PRR14L: variants seen among roughly 807,000 people sequenced by gnomAD.
PRR14L encodes the protein proline rich 14 like.
Under a neutral mutation model 155.0 loss-of-function variants are expected in PRR14L, and 80 were observed. The observed-to-expected ratio is 0.52, with a 90% confidence interval of 0.43 to 0.62. The LOEUF is 0.62. PRR14L is among the 20% of genes least tolerant of loss of function. PRR14L has a pLI of 0.00. For missense variants in PRR14L, 2,469 were observed against 2,548.0 expected (o/e 0.97, Z 0.67); for synonymous variants, 883 against 916.0 (o/e 0.96, Z 0.65).
rs1272185544 is a variant in PRR14L at position 31,701,724 on chromosome 22, A to T, written c.6039T>A (p.Ile2013=). Residue 2013 remains isoleucine (I), a synonymous_variant, in exon 7 of 9, where the codon ATT becomes ATA. Transcript: ENST00000327423. The part of the protein sequence containing the change: ...PEKRPKKVSQ[I]RIRKTIPRPD... ...GCCTAGGAATGGTTTTCCGGATGCG[A>T]ATCTGTGAGACTTTCTTTGGCCTCT... The T allele has an allele frequency of 6.2e-7, 1 of 1,613,980 alleles. No homozygotes were observed. The highest frequency in any genetic ancestry group is 8.5e-7 in the Non-Finnish European group (1 of 1,179,968).
At chr22:31,731,260 T>A (rs1421732301) in intron 2 of PRR14L, among the ~76,000 whole-genome samples, 1 of 152,052 alleles carries the variant, frequency 6.6e-6, no homozygotes, top group Non-Finnish European at 1.5e-5. Flanking sequence ...TTTCTATGTG[T>A]ATATATTAAG....
chr22:31,685,522 G>A lies in PRR14L; in HGVS notation c.*5C>T, dbSNP rs115264220. On this transcript the variant is annotated 3_prime_UTR_variant, in exon 9 of 9. Transcript: ENST00000327423. ...AAAATTGAGACCCTCAAACTGAATC[G>A]CTTCTCAACAGCCTGATGATTGTTC... The A allele has an allele frequency of 1.3e-3, 2,002 of 1,529,004 alleles. 26 individuals are homozygous for A. The African/African-American group carries it at 0.024, about 18-fold the overall frequency. The allele number at this position is 1,529,004 out of a possible 1,614,324, so 94.7% of individuals were successfully genotyped here.
chr22:31,711,726 G>C (rs2074623338), intron 4 of PRR14L, among the ~76,000 whole-genome samples: 1 of 137,648 alleles, frequency 7.3e-6, no homozygotes, highest in African/African-American at 2.7e-5. Flanking sequence ...GGAGGTTGCG[G>C]TAAGCCGACA....
At chr22:31,707,770 A>G (rs2074599628) in intron 4 of PRR14L, among the ~76,000 whole-genome samples, 1 of 152,224 alleles carries the variant, frequency 6.6e-6, no homozygotes, top group Non-Finnish European at 1.5e-5. Flanking sequence ...AAAGTAGACA[A>G]TAAAAGCAGT....
chr22:31,690,639 ATT>A (rs373510332), intron 7 of PRR14L, among the ~76,000 whole-genome samples: 15 of 143,208 alleles, frequency 1.0e-4, no homozygotes, highest in East Asian at 2.0e-4. Flanking sequence ...TCCCTGGCTA[ATT>A]TTTTTTTTTT....
intron 3 of PRR14L, 115 bp downstream of exon 3, chr22:31,725,423 A>T: frequency 1.4e-6 from 1 of 692,754 alleles, no homozygotes; most frequent in Non-Finnish European, 2.6e-6. Context: ...ATAGTTAAGT[A>T]CACCTTACAA....
Position 31,738,600 on chromosome 22 carries a change from A to C in PRR14L, c.261T>G (p.Ser87Arg), listed in dbSNP as rs1487625011. 2 of 1,551,804 alleles carry C rather than the reference A, an allele frequency of 1.3e-6. No homozygotes were observed. Among genetic ancestry groups the C allele is most frequent in the African/African-American group, 1.4e-5 (1 of 72,970 alleles). Residue 87 changes from serine (S) to arginine (R), a missense_variant, in exon 2 of 9, where the codon AGT (serine) becomes AGG (arginine). By Grantham distance (110) the Ser-to-Arg change is moderately radical (BLOSUM62 -1). Coordinates refer to ENST00000327423, the MANE Select transcript of PRR14L (RefSeq NM_173566.3). Reference protein sequence around the residue: ...EETYETLDHGSEPGRCGLVDS... With the variant: ...EETYETLDHGREPGRCGLVDS... ...CCACTAGCCCACATCGCCCAGGCTC[A>C]CTCCCATGATCCAAGGTCTCATAGG...
rs556527430 is a variant in PRR14L at position 31,708,123 on chromosome 22, T to A, written c.5757-3397A>T. ...GAGATTGCACCACTGCACTCCAGCCTGGGCAACAAGAGTGAAACTCCATCT... is the reference window on the plus strand; with the variant it reads ...GAGATTGCACCACTGCACTCCAGCCAGGGCAACAAGAGTGAAACTCCATCT... On this transcript the variant is annotated intron_variant, in intron 4 of 8. Coordinates refer to ENST00000327423, the MANE Select transcript of PRR14L (RefSeq NM_173566.3). Among the ~76,000 whole-genome samples, 6 of 151,794 alleles carry A rather than the reference T, an allele frequency of 4.0e-5. No homozygotes were observed. In the East Asian group the frequency reaches 1.2e-3, roughly 30 times the overall value.
intron 3 of PRR14L, among the ~76,000 whole-genome samples, chr22:31,724,194 G>C (rs1569499690): frequency 6.6e-6 from 1 of 152,146 alleles, no homozygotes; most frequent in African/African-American, 2.4e-5. Flanking sequence ...GGCTCCCACT[G>C]ATTCTACATT....
chr22:31,715,952 G>C lies in PRR14L; in HGVS notation c.1887C>G (p.Ala629=). The change falls in exon 4 of 9, where the codon GCC becomes GCG. Residue 629 remains alanine (A), a synonymous_variant. Transcript: ENST00000327423. The part of the protein sequence containing the change: ...DIPLLDEQSI[A]CEMNELSCTN... The stretch of plus-strand genomic sequence containing the variant: ...TACAAGAAAGTTCATTCATCTCACA[G>C]GCTATGCTCTGTTCATCTAAAAGTG... The C allele has an allele frequency of 6.4e-7, 1 of 1,551,734 alleles. No homozygotes were observed. Among genetic ancestry groups the C allele is most frequent in the South Asian group, 1.2e-5 (1 of 84,064 alleles).
chr22:31,736,071 T>G (rs1468462282), intron 2 of PRR14L, among the ~76,000 whole-genome samples: 2 of 138,352 alleles, frequency 1.4e-5, no homozygotes, highest in Non-Finnish European at 3.1e-5. Flanking sequence ...AAAAAAAAAT[T>G]AGCCAAGTGT....
intron 4 of PRR14L, among the ~76,000 whole-genome samples, chr22:31,709,616 C>G (rs1222728804): frequency 2.1e-5 from 3 of 144,620 alleles, no homozygotes; most frequent in Non-Finnish European, 4.5e-5. Context: ...TCTCGGGTCA[C>G]TGCAACCTCT....
At chr22:31,732,779 A>G (rs1329680453) in intron 2 of PRR14L, among the ~76,000 whole-genome samples, 1 of 152,106 alleles carries the variant, frequency 6.6e-6, no homozygotes, top group Non-Finnish European at 1.5e-5. Context: ...CCCCTGACAC[A>G]CCTGGAAATC....
chr22:31,713,806 G>A lies in PRR14L; in HGVS notation c.4033C>T (p.Arg1345Ter). The change falls in exon 4 of 9, where the codon CGA becomes TGA. Residue 1345 changes from arginine (R) to a stop codon, truncating the protein, a stop_gained. Coordinates refer to ENST00000327423, the MANE Select transcript of PRR14L (RefSeq NM_173566.3). LOFTEE classifies it high-confidence loss of function. The part of the protein sequence containing the change: ...GEETEEHQRG[R>*]LGYLTVGEQS... ...TCCCCAACAGTTAAGTAACCCAGTCGTCCCCTCTGATGCTCTTCGGTTTCT... is the reference window on the plus strand; with the variant it reads ...TCCCCAACAGTTAAGTAACCCAGTCATCCCCTCTGATGCTCTTCGGTTTCT... 1 of 1,552,292 alleles carries A rather than the reference G, an allele frequency of 6.4e-7. No homozygotes were observed. Among genetic ancestry groups the A allele is most frequent in the Non-Finnish European group, 8.7e-7 (1 of 1,147,136 alleles).
At chr22:31,741,742 G>C (rs191063106) in intron 1 of PRR14L, among the ~76,000 whole-genome samples, 97 of 151,996 alleles carry the variant, frequency 6.4e-4, no homozygotes, top group African/African-American at 2.2e-3. Context: ...CATGATGGCA[G>C]GCACCTGTAG....
At chr22:31,733,921 CAT>C (rs1491348364) in intron 2 of PRR14L, among the ~76,000 whole-genome samples, 6 of 151,944 alleles carry the variant, frequency 3.9e-5, no homozygotes, top group South Asian at 2.1e-4. Context: ...CACACACACA[CAT>C]ACACCACACA....
chr22:31,744,052 G>A (rs1303032927), intron 1 of PRR14L, among the ~76,000 whole-genome samples: 1 of 145,968 alleles, frequency 6.9e-6, no homozygotes, highest in African/African-American at 2.5e-5. Context: ...GGGTCTTGCT[G>A]TGTCGCCCAG....
chr22:31,722,688 A>G (rs1222370709), intron 3 of PRR14L, among the ~76,000 whole-genome samples: 1 of 151,592 alleles, frequency 6.6e-6, no homozygotes, highest in Non-Finnish European at 1.5e-5. Context: ...ATGCCTGGCT[A>G]ATTTTGTTTT....
Position 31,714,042 on chromosome 22 carries a change from T to A in PRR14L, c.3797A>T (p.Asp1266Val), listed in dbSNP as rs756723808. ...TACATTTTCACAAAGCATTTCACCA[T>A]CTTTTGGTTTACAAAGATTTTTCAG... is the stretch of plus-strand genomic sequence containing the variant. ...TDLKNLCKPKDGEMLCENVKD... is the reference protein window; with the variant it reads ...TDLKNLCKPKVGEMLCENVKD... The change falls in exon 4 of 9, where the codon GAT becomes GTT. Residue 1266 changes from aspartate to valine, a missense_variant. Transcript: ENST00000327423. 3 of 1,550,478 alleles carry A rather than the reference T, an allele frequency of 1.9e-6. No individual in the cohort carries two copies. The South Asian group carries it at 3.6e-5, about 19-fold the overall frequency.
Sources: allele counts gnomAD v4.1 joint callset (sites outside exome capture counted in the v4.1 genomes callset), GRCh38; gene constraint gnomAD v4.1.1; transcripts MANE v1.5; gene names NCBI Gene and HGNC (gene_info 2026-07-23, HGNC 2026-07-21).